DOCK10: variants seen among roughly 807,000 people sequenced by gnomAD.
DOCK10 encodes the protein dedicator of cytokinesis 10.
A neutral mutation model predicts 280.1 loss-of-function variants in DOCK10; 145 were observed. The observed-to-expected ratio is 0.52, with a 90% CI of 0.45 to 0.59. The LOEUF (loss-of-function observed/expected upper bound fraction) is 0.59. Ranked by LOEUF, DOCK10 falls within the 20% of genes least tolerant of loss-of-function variation. The probability of loss-of-function intolerance (pLI) is 0.00; values close to 1 mark genes in which losing one functional copy is unlikely to be tolerated. For missense variants in DOCK10, 2,368 were observed against 2,651.7 expected (o/e 0.89, Z 2.35); for synonymous variants, 915 against 942.2 (o/e 0.97, Z 0.53).
At chr2:224,985,027 TATTTTAAG>T (rs1416461284) in intron 1 of DOCK10, among the ~76,000 whole-genome samples, 1 of 152,010 alleles carries the variant, frequency 6.6e-6, no homozygotes, top group Non-Finnish European at 1.5e-5. Flanking sequence ...AAGCAGGAAA[TATTTTAAG>T]ATTAGGTATA....
chr2:224,944,668 C>G (rs368055490), intron 1 of DOCK10, among the ~76,000 whole-genome samples: 2 of 152,198 alleles, frequency 1.3e-5, no homozygotes, highest in African/African-American at 4.8e-5. Context: ...GTTTCAAATC[C>G]TAGTGCTCTA....
chr2:224,993,812 G>A (rs1378288675), intron 1 of DOCK10, among the ~76,000 whole-genome samples: 1 of 152,158 alleles, frequency 6.6e-6, no homozygotes, highest in East Asian at 1.9e-4. Context: ...TTATGTGGGG[G>A]TAGGAGCCAA....
intron 11 of DOCK10, among the ~76,000 whole-genome samples, chr2:224,868,320 G>A (rs1698057455): frequency 6.6e-6 from 1 of 152,196 alleles, no homozygotes; most frequent in Admixed American, 6.5e-5. Context: ...ATATGCATAT[G>A]TAATTACATA....
At chr2:225,032,489 A>G (rs1169458286) in intron 1 of DOCK10, among the ~76,000 whole-genome samples, 1 of 152,192 alleles carries the variant, frequency 6.6e-6, no homozygotes, top group Non-Finnish European at 1.5e-5. Context: ...CCCACCATAA[A>G]GATATGCTTC....
chr2:224,783,905 G>A (rs1193526497), intron 50 of DOCK10, among the ~76,000 whole-genome samples: 1 of 152,166 alleles, frequency 6.6e-6, no homozygotes, highest in Non-Finnish European at 1.5e-5. Flanking sequence ...TGGACAATGT[G>A]TAGATATTAA....
At chr2:224,828,440 G>C (rs957486940) in intron 27 of DOCK10, among the ~76,000 whole-genome samples, 3 of 152,158 alleles carry the variant, frequency 2.0e-5, no homozygotes, top group Non-Finnish European at 4.4e-5. Flanking sequence ...GCAGAGGATA[G>C]AGGAAAAAAT....
At chr2:224,989,473 CTT>C (rs1175468723) in intron 1 of DOCK10, among the ~76,000 whole-genome samples, 3 of 152,092 alleles carry the variant, frequency 2.0e-5, no homozygotes, top group Non-Finnish European at 4.4e-5. Context: ...TCATGTTGGA[CTT>C]TTTTTGTAAA....
In DOCK10 at chr2:224,823,062, A is replaced by G. The variant is rs371648246; in HGVS notation, c.3183+439T>C. On this transcript the variant is annotated intron_variant, in intron 28 of 55. Transcript: ENST00000258390. ...GAGTGCAGTGGTGTGATCTCGGCTC[A>G]CTGCAACCTCCGCCTCCCAGGTTCA... Among the ~76,000 whole-genome samples, 23 of 144,534 alleles carry G rather than the reference A, an allele frequency of 1.6e-4. No homozygotes were observed. In the East Asian group the frequency reaches 3.9e-3, roughly 25 times the overall value. The allele number at this position is 144,534 out of a possible 152,430, so 94.8% of individuals were successfully genotyped here. A position where few individuals can be genotyped will look rare whatever the true frequency, so the allele number is the denominator to read the frequency against.
rs1301424066 is a variant in DOCK10, at chr2:224,865,017, T to A, written c.1328A>T (p.His443Leu). 3 of 1,613,806 alleles carry A rather than the reference T, an allele frequency of 1.9e-6. No individual in the cohort carries two copies. The highest frequency in any genetic ancestry group is 2.7e-5 in the African/African-American group (2 of 74,898). The change falls in exon 12 of 56, where the codon CAT becomes CTT. Residue 443 changes from histidine to leucine, a missense_variant. Physicochemically the swap from His to Leu is moderately conservative, Grantham distance 99 (BLOSUM62 -3). Around this residue, in one of 2 missense-constraint regions of DOCK10, gnomAD observed 1,209 missense variants for 1,250.9 expected, o/e 0.97. Transcript: ENST00000258390. ...RDSRKISADFHVDLNHAAVRQ... is the reference protein window; with the variant it reads ...RDSRKISADFLVDLNHAAVRQ... The stretch of plus-strand genomic sequence containing the variant: ...GACAGCAGCATGGTTTAGATCCACA[T>A]GAAAATCAGCAGAAATCTTCCTGCT...
intron 1 of DOCK10, among the ~76,000 whole-genome samples, chr2:224,987,667 G>A (rs898977087): frequency 6.6e-6 from 1 of 152,144 alleles, no homozygotes; most frequent in Non-Finnish European, 1.5e-5. Flanking sequence ...AGGTCAGTCT[G>A]ACCAAGTGAA....
chr2:224,858,173 C>T (rs1308887618), intron 14 of DOCK10, among the ~76,000 whole-genome samples: 1 of 152,128 alleles, frequency 6.6e-6, no homozygotes, highest in Non-Finnish European at 1.5e-5. Flanking sequence ...TGAGCTTGAA[C>T]AATAGCTTTT....
intron 1 of DOCK10, among the ~76,000 whole-genome samples, chr2:225,018,594 T>TTA (rs1329076196): frequency 5.8e-5 from 1 of 17,328 alleles, no homozygotes; most frequent in Non-Finnish European, 1.0e-4. Context: ...ATATGTAATA[T>TTA]TATATATATA....
At chr2:224,779,238 CAG>C (rs1691118376) in intron 50 of DOCK10, among the ~76,000 whole-genome samples, 1 of 135,710 alleles carries the variant, frequency 7.4e-6, no homozygotes, top group Non-Finnish European at 1.6e-5. Context: ...TTTTTTTTGG[CAG>C]AGTCTTGCTC....
intron 1 of DOCK10, among the ~76,000 whole-genome samples, chr2:224,947,297 G>GA (rs1341953750): frequency 3.3e-5 from 5 of 152,168 alleles, no homozygotes; most frequent in Admixed American, 3.3e-4. Context: ...AGATTGAATT[G>GA]AACAGTTAAT....
intron 47 of DOCK10, among the ~76,000 whole-genome samples, chr2:224,790,019 G>C (rs1189677006): frequency 6.6e-6 from 1 of 152,130 alleles, no homozygotes; most frequent in Non-Finnish European, 1.5e-5. Flanking sequence ...GACCTCAGGT[G>C]ATCTGCCCGC....
chr2:225,002,890 T>C (rs1706476790), intron 1 of DOCK10, among the ~76,000 whole-genome samples: 1 of 152,198 alleles, frequency 6.6e-6, no homozygotes, highest in Non-Finnish European at 1.5e-5. Context: ...AGAATGTTGT[T>C]GGTCGCTCAA....
chr2:224,826,332 G>A (rs1213579628), intron 27 of DOCK10, among the ~76,000 whole-genome samples: 1 of 152,184 alleles, frequency 6.6e-6, no homozygotes, highest in East Asian at 1.9e-4. Context: ...CCAAAGTGCT[G>A]GGATTACAGG....
intron 7 of DOCK10, among the ~76,000 whole-genome samples, chr2:224,882,414 T>C (rs1049130646): frequency 2.6e-5 from 4 of 152,178 alleles, no homozygotes; most frequent in African/African-American, 9.7e-5. Context: ...CTTTGTTTTG[T>C]TTTGTGTTTT....
At chr2:224,948,825 A>C (rs956037879) in intron 1 of DOCK10, among the ~76,000 whole-genome samples, 4 of 152,226 alleles carry the variant, frequency 2.6e-5, no homozygotes, top group Non-Finnish European at 5.9e-5. Context: ...GAAGATCAGC[A>C]TACTGTCTTA....
Sources: allele counts gnomAD v4.1 joint callset (sites outside exome capture counted in the v4.1 genomes callset), GRCh38; gene constraint gnomAD v4.1.1; regional missense constraint gnomAD v4.1.1; transcripts MANE v1.5; gene names NCBI Gene and HGNC (gene_info 2026-07-23, HGNC 2026-07-21).